The following CFAP91 variants were observed in gnomAD, a reference collection of about 807,000 sequenced individuals.
CFAP91 encodes cilia and flagella associated protein 91.
In CFAP91, 85 loss-of-function variants were observed where a neutral mutation model predicts 95.9. The ratio of observed to expected loss-of-function variants is 0.89; its 90% CI spans 0.74 to 1.06. The LOEUF (loss-of-function observed/expected upper bound fraction) is 1.06. CFAP91 is among the 50% of genes least tolerant of loss of function. The pLI, the probability that CFAP91 is intolerant of heterozygous loss-of-function variation, is 0.00. For synonymous variants in CFAP91, 335 were observed against 327.5 expected (o/e 1.02, Z -0.25); for missense variants, 962 against 943.4 (o/e 1.02, Z -0.26).
At chr3:119,703,379 G>C in intron 1 of CFAP91, 157 bp downstream of exon 1, 1 of 1,165,922 alleles carries the variant, frequency 8.6e-7, no homozygotes, top group South Asian at 1.5e-5. Flanking sequence ...GGGCAGCTCC[G>C]AGCCCTCCAG....
rs2054618584 is a variant in CFAP91, at chr3:119,765,898, G to A, written c.*848G>A. The A allele has an allele frequency of 6.6e-6, 1 of 152,138 alleles. No individual in the cohort carries two copies. The highest frequency in any genetic ancestry group is 2.1e-4 in the South Asian group (1 of 4,822). The allele number at this position is 152,138 out of a possible 1,614,324, so 9.4% of individuals were successfully genotyped here. A position where few individuals can be genotyped will look rare whatever the true frequency, so the allele number is the denominator to read the frequency against. Reference sequence around the variant, plus strand: ...GAGAATATCTTACTGTAAGAAACAAGGAAAATTGCAGAAACATTTGCTGAG... The same window carrying A: ...GAGAATATCTTACTGTAAGAAACAAAGAAAATTGCAGAAACATTTGCTGAG... On this transcript the variant is annotated 3_prime_UTR_variant, in exon 18 of 18. Coordinates refer to ENST00000273390, the MANE Select transcript of CFAP91 (RefSeq NM_033364.4).
chr3:119,754,342 C>T (rs1398856259), intron 17 of CFAP91, among the ~76,000 whole-genome samples: 1 of 152,140 alleles, frequency 6.6e-6, no homozygotes, highest in East Asian at 1.9e-4. Context: ...CTCCTGACTG[C>T]TTATCATAAA....
intron 16 of CFAP91, chr3:119,750,395 A>T (rs1020742752): frequency 6.3e-6 from 1 of 158,696 alleles, no homozygotes; most frequent in Non-Finnish European, 1.4e-5. Context: ...GCTTACCCTG[A>T]TAGTGAATAT....
At position 119,731,061 on chromosome 3, in the gene CFAP91, AC is replaced by A. The variant is rs138316291; in HGVS notation, c.1018+686del. On this transcript the variant is annotated intron_variant, in intron 8 of 17. Coordinates refer to ENST00000273390, the MANE Select transcript of CFAP91 (RefSeq NM_033364.4). Reference sequence around the variant, plus strand: ...AGACCAGCCTGAGCAGCATAGTGAGACCACGTCTCTACAAATTTTTTTTAAA... The same window carrying A: ...AGACCAGCCTGAGCAGCATAGTGAGACACGTCTCTACAAATTTTTTTTAAA... 7.3e-3 allele frequency among the ~76,000 whole-genome samples: 1,107 copies of A among 152,068 alleles called. 7 individuals are homozygous for A. Among genetic ancestry groups the A allele is most frequent in the Middle Eastern group, 0.037 (11 of 294 alleles).
At chr3:119,740,030 A>G (rs916065582) in intron 12 of CFAP91, among the ~76,000 whole-genome samples, 2 of 152,252 alleles carry the variant, frequency 1.3e-5, no homozygotes, top group Non-Finnish European at 2.9e-5. Flanking sequence ...CCAGATAGCT[A>G]TAACTCATAA....
In CFAP91 at chr3:119,703,064, T is replaced by G. The variant is rs7624404; in HGVS notation, c.-35T>G. The stretch of plus-strand genomic sequence containing the variant: ...CACGCAGTAGCCAGGCCTGACCCGC[T>G]GGTCCCTTGCTGGCGGGAGGAAAGA... On this transcript the variant is annotated 5_prime_UTR_variant, in exon 1 of 18. Transcript: ENST00000273390. The G allele has an allele frequency of 7.7e-6, 12 of 1,548,686 alleles. No homozygotes were observed. In the East Asian group the frequency reaches 2.9e-4, roughly 38 times the overall value.
At chr3:119,710,149 C>A in intron 5 of CFAP91, 1 of 456,182 alleles carries the variant, frequency 2.2e-6, no homozygotes, top group Admixed American at 3.9e-5. Context: ...AAAATATATG[C>A]ATATGTTTAT....
intron 17 of CFAP91, among the ~76,000 whole-genome samples, chr3:119,757,724 A>G (rs2054460224): frequency 6.6e-6 from 1 of 152,208 alleles, no homozygotes; most frequent in African/African-American, 2.4e-5. Flanking sequence ...GGACATTTAT[A>G]GAATATTACG....
intron 17 of CFAP91, among the ~76,000 whole-genome samples, chr3:119,762,078 T>A (rs2054547482): frequency 6.6e-6 from 1 of 151,878 alleles, no homozygotes; most frequent in Non-Finnish European, 1.5e-5. Flanking sequence ...CATGGTCTTA[T>A]ATATAGAAAA....
intron 14 of CFAP91, among the ~76,000 whole-genome samples, chr3:119,744,923 A>G (rs569778554): frequency 6.6e-6 from 1 of 152,210 alleles, no homozygotes; most frequent in Non-Finnish European, 1.5e-5. Context: ...CCTTTACCTA[A>G]TATCACTAAG....
chr3:119,759,106 C>T (rs531898433), intron 17 of CFAP91, among the ~76,000 whole-genome samples: 1 of 151,960 alleles, frequency 6.6e-6, no homozygotes, highest in Non-Finnish European at 1.5e-5. Flanking sequence ...AAAAGTTTAT[C>T]ATTCCTTACT....
intron 17 of CFAP91, among the ~76,000 whole-genome samples, chr3:119,762,894 C>T (rs1272293649): frequency 6.6e-6 from 1 of 151,978 alleles, no homozygotes; most frequent in Non-Finnish European, 1.5e-5. Context: ...GGGAAAAGCT[C>T]CTAACATTGG....
rs556267132 is a variant in CFAP91, at chr3:119,738,462, C to G, written c.1462-793C>G. On this transcript the variant is annotated intron_variant, in intron 11 of 17. Transcript: ENST00000273390. ...CTCCTGGGTTCAAGCGATTCTCCTG[C>G]GTCAGCCTTATGAGTAGCTGGAACT... 2.1e-5 allele frequency among the ~76,000 whole-genome samples: 3 copies of G among 146,204 alleles called. No individual in the cohort carries two copies. The East Asian group carries it at 6.2e-4, about 30-fold the overall frequency.
intron 6 of CFAP91, among the ~76,000 whole-genome samples, chr3:119,722,684 G>A (rs2053710141): frequency 6.6e-6 from 1 of 151,878 alleles, no homozygotes; most frequent in Non-Finnish European, 1.5e-5. Context: ...TTGTGGAGAT[G>A]GGGTTTCATT....
In CFAP91 at chr3:119,740,598, C is replaced by T. The variant is rs1457747275; in HGVS notation, c.1583C>T (p.Thr528Ile). ...KRLELIQELR[T>I]CHALQEDEKL... The stretch of plus-strand genomic sequence containing the variant: ...CTGGAGTTGATCCAGGAGTTGCGCA[C>T]CTGCCACGCACTACAAGAAGATGAA... Residue 528 changes from threonine to isoleucine, a missense_variant, in exon 13 of 18, where the codon ACC becomes ATC. Coordinates refer to ENST00000273390, the MANE Select transcript of CFAP91 (RefSeq NM_033364.4). 2.5e-6 allele frequency: 4 copies of T among 1,614,146 alleles called. No individual in the cohort carries two copies. The highest frequency in any genetic ancestry group is 2.2e-5 in the South Asian group (2 of 91,074).
At chr3:119,764,059 G>T (rs566471093) in intron 17 of CFAP91, among the ~76,000 whole-genome samples, 10 of 152,148 alleles carry the variant, frequency 6.6e-5, no homozygotes, top group Admixed American at 5.9e-4. Context: ...CAACGTGCAC[G>T]TATTTCAAAC....
intron 10 of CFAP91, among the ~76,000 whole-genome samples, chr3:119,736,268 G>GTTTTTTTTT (rs770777389): frequency 1.3e-4 from 11 of 85,328 alleles, no homozygotes; most frequent in Non-Finnish European, 1.6e-4. Flanking sequence ...TCTTTCTATT[G>GTTTTTTTTT]TTTTTTTTTT....
intron 1 of CFAP91, 31 bp from the exon 2 acceptor site, chr3:119,706,778 C>G: frequency 2.0e-6 from 3 of 1,523,760 alleles, no homozygotes; most frequent in Non-Finnish European, 2.7e-6. Context: ...TATGTTCTAT[C>G]TGTTATGCTA....
At position 119,744,001 on chromosome 3, in the gene CFAP91, C is replaced by T. The variant is rs143730822; in HGVS notation, c.1707C>T (p.Ala569=). Residue 569 remains alanine, a synonymous_variant, in exon 14 of 18, where the codon GCC becomes GCT. Coordinates refer to ENST00000273390, the MANE Select transcript of CFAP91 (RefSeq NM_033364.4). ...TGTCACTGGTTGAAAACCATTTGGC[C>T]GGACTGGAAGGAAGGGCACTAGCAG... ...HKVSLVENHL[A]GLEGRALADM... 4.4e-5 allele frequency: 71 copies of T among 1,611,424 alleles called. 1 individual carries two copies. The South Asian group carries it at 6.7e-4, about 15-fold the overall frequency.
Sources: gnomAD v4.1 joint callset for allele counts (sites outside exome capture counted in the v4.1 genomes callset) on GRCh38, gnomAD v4.1.1 for gene constraint, MANE v1.5 for transcripts, NCBI Gene and HGNC (gene_info 2026-07-23, HGNC 2026-07-21) for gene names.